The following DRC8 variants were observed in gnomAD, a reference collection of about 807,000 sequenced individuals.
DRC8 encodes dynein regulatory complex protein 8.
the DRC8 span, among the ~76,000 whole-genome samples, chr1:245,062,624 G>A: frequency 1.3e-5 from 2 of 152,170 alleles, no homozygotes; most frequent in Non-Finnish European, 2.9e-5. Context: ...TGATTTAAAA[G>A]TAAGACCTAT....
the DRC8 span, among the ~76,000 whole-genome samples, chr1:244,995,611 A>C: frequency 1.3e-5 from 2 of 152,048 alleles, no homozygotes; most frequent in Non-Finnish European, 2.9e-5. Context: ...TCAGTCTCCC[A>C]AAGTGTGGAT....
chr1:244,981,060 G>A, the DRC8 span, among the ~76,000 whole-genome samples: 1 of 152,098 alleles, frequency 6.6e-6, no homozygotes, highest in African/African-American at 2.4e-5. Context: ...GCAGGCGTCT[G>A]TAATCCCAGC....
chr1:244,977,665 AC>A, the DRC8 span, among the ~76,000 whole-genome samples: 451 of 152,210 alleles, frequency 3.0e-3, 2 homozygotes, highest in South Asian at 0.012. Flanking sequence ...ATTTCTTAAA[AC>A]CAAAAAAATA....
chr1:244,982,058 C>T, the DRC8 span, among the ~76,000 whole-genome samples: 2 of 152,148 alleles, frequency 1.3e-5, no homozygotes, highest in Non-Finnish European at 2.9e-5. Flanking sequence ...CAACTGACAG[C>T]GGCTTGCAGC....
chr1:245,106,484 T>G, the DRC8 span, among the ~76,000 whole-genome samples: 1 of 151,892 alleles, frequency 6.6e-6, no homozygotes, highest in Non-Finnish European at 1.5e-5. Context: ...TTACAACCAT[T>G]TAAATATATT....
chr1:244,982,860 C>G, the DRC8 span, among the ~76,000 whole-genome samples: 2 of 151,364 alleles, frequency 1.3e-5, no homozygotes, highest in South Asian at 2.1e-4. Context: ...GTCAGGAGAT[C>G]GAGACCAGCC....
the DRC8 span, among the ~76,000 whole-genome samples, chr1:245,069,387 A>G: frequency 6.6e-6 from 1 of 152,154 alleles, no homozygotes; most frequent in African/African-American, 2.4e-5. Context: ...TCTCGTCCTC[A>G]TTGTCTTCAC....
the DRC8 span, among the ~76,000 whole-genome samples, chr1:245,114,586 G>A: frequency 4.6e-5 from 7 of 152,082 alleles, no homozygotes; most frequent in Admixed American, 6.6e-5. Context: ...CAGTCTTCCT[G>A]TCAGGCTGAG....
chr1:245,005,770 A>G, the DRC8 span, among the ~76,000 whole-genome samples: 2 of 152,214 alleles, frequency 1.3e-5, no homozygotes, highest in South Asian at 2.1e-4. Context: ...TATGATAGAG[A>G]TAGCATGTAT....
chr1:245,076,598 A>C, the DRC8 span, among the ~76,000 whole-genome samples: 1 of 152,238 alleles, frequency 6.6e-6, no homozygotes, highest in Non-Finnish European at 1.5e-5. Context: ...AGTCTTTTCA[A>C]ACATGTCTGA....
chr1:244,989,502 A>C, the DRC8 span, among the ~76,000 whole-genome samples: 1 of 152,150 alleles, frequency 6.6e-6, no homozygotes, highest in Non-Finnish European at 1.5e-5. Context: ...GGATTTTAGG[A>C]GGGAGACCAC....
chr1:245,025,107 C>T, the DRC8 span, among the ~76,000 whole-genome samples: 2 of 151,860 alleles, frequency 1.3e-5, no homozygotes, highest in African/African-American at 2.4e-5. Context: ...TTTTTGGAAA[C>T]AAACGAATGT....
chr1:245,039,504 T>A, the DRC8 span, among the ~76,000 whole-genome samples: 1 of 150,700 alleles, frequency 6.6e-6, no homozygotes, highest in Non-Finnish European at 1.5e-5. Flanking sequence ...TTGTGTATCC[T>A]TCACCCCATT....
At chr1:245,019,786 T>C in the DRC8 span, among the ~76,000 whole-genome samples, 34 of 151,482 alleles carry the variant, frequency 2.2e-4, no homozygotes, top group Non-Finnish European at 3.4e-4. Context: ...CTCCTAAAAA[T>C]AAAAACTAAA....
At chr1:245,036,177 G>GACA in the DRC8 span, among the ~76,000 whole-genome samples, 1 of 152,096 alleles carries the variant, frequency 6.6e-6, no homozygotes, top group African/African-American at 2.4e-5. Flanking sequence ...ATAAAAAACT[G>GACA]ACAACAATAA....
the DRC8 span, among the ~76,000 whole-genome samples, chr1:245,001,198 A>C: frequency 6.6e-6 from 1 of 152,230 alleles, no homozygotes; most frequent in Non-Finnish European, 1.5e-5. Context: ...TCTTTGATTA[A>C]GGTATTATTC....
At chr1:245,117,464 G>A in the DRC8 span, among the ~76,000 whole-genome samples, 3 of 151,336 alleles carry the variant, frequency 2.0e-5, no homozygotes. Flanking sequence ...CCCTCTTGTT[G>A]CCCAGGCTGG....
At chr1:245,077,903 CA>C in the DRC8 span, among the ~76,000 whole-genome samples, 1 of 151,784 alleles carries the variant, frequency 6.6e-6, no homozygotes, top group East Asian at 1.9e-4. Flanking sequence ...TTTCTGCATG[CA>C]AAAGAAACAA....
the DRC8 span, among the ~76,000 whole-genome samples, chr1:245,098,427 G>A: frequency 9.9e-5 from 15 of 152,224 alleles, no homozygotes; most frequent in African/African-American, 3.6e-4. Context: ...GAACCTGGGG[G>A]CAACCCAAAG....
Sources: allele counts gnomAD v4.1 joint callset (sites outside exome capture counted in the v4.1 genomes callset), GRCh38; gene constraint gnomAD v4.1.1; transcripts MANE v1.5; gene names NCBI Gene and HGNC (gene_info 2026-07-23, HGNC 2026-07-21).